SRGAP3: variants seen among roughly 807,000 people sequenced by gnomAD.
The protein encoded by SRGAP3 is SLIT-ROBO Rho GTPase-activating protein 3.
Under a neutral mutation model 121.1 loss-of-function variants are expected in SRGAP3, and 39 were observed. That is an observed-to-expected ratio of 0.32 (90% CI 0.25 to 0.42). The LOEUF (loss-of-function observed/expected upper bound fraction) is 0.42. Ranked by LOEUF, SRGAP3 falls within the 10% of genes least tolerant of loss-of-function variation. SRGAP3 has a pLI of 1.00. For synonymous variants in SRGAP3, 601 were observed against 570.0 expected (o/e 1.05, Z -0.77); for missense variants, 1,213 against 1,470.6 (o/e 0.82, Z 2.86).
At chr3:9,007,303 A>G (rs907768707) in intron 18 of SRGAP3, 2 of 152,180 alleles carry the variant, frequency 1.3e-5, no homozygotes, top group Non-Finnish European at 2.9e-5. Flanking sequence ...AAGGCAACAG[A>G]TACACAAACA....
chr3:8,990,020 T>G (rs1316325890), intron 21 of SRGAP3, among the ~76,000 whole-genome samples: 1 of 152,244 alleles, frequency 6.6e-6, no homozygotes, highest in African/African-American at 2.4e-5. Flanking sequence ...TGTTTGTTGA[T>G]GTCTCTTTCT....
At chr3:9,362,870 A>C (rs951087492) in exon 1 of SRGAP3, 6 of 152,260 alleles carry the variant, frequency 3.9e-5, no homozygotes, top group African/African-American at 1.4e-4. Context: ...GCACTCTCTA[A>C]ACGTTAGCAA....
At chr3:9,274,359 T>A (rs1954532806) in intron 3 of SRGAP3, among the ~76,000 whole-genome samples, 1 of 151,870 alleles carries the variant, frequency 6.6e-6, no homozygotes, top group Non-Finnish European at 1.5e-5. Context: ...CTGACAGGAG[T>A]GAATTCCACT....
chr3:9,349,895 C>T (rs964756889), intron 1 of SRGAP3: 1 of 152,152 alleles, frequency 6.6e-6, no homozygotes, highest in African/African-American at 2.4e-5. Context: ...GAATCCCTCC[C>T]CCACCTTGTT....
At chr3:9,259,778 AG>A (rs1352723893) in intron 3 of SRGAP3, among the ~76,000 whole-genome samples, 1 of 150,672 alleles carries the variant, frequency 6.6e-6, no homozygotes, top group Non-Finnish European at 1.5e-5. Flanking sequence ...AAATGTGGCA[AG>A]TGTGACTGCA....
intron 1 of SRGAP3, among the ~76,000 whole-genome samples, chr3:9,336,840 G>T (rs561930176): frequency 6.6e-6 from 1 of 152,286 alleles, no homozygotes; most frequent in South Asian, 2.1e-4. Context: ...ATAAAATGGA[G>T]ATATATCTAT....
chr3:9,058,060 G>T (rs372024009), intron 7 of SRGAP3, among the ~76,000 whole-genome samples, 191 bp downstream of exon 7: 1 of 152,164 alleles, frequency 6.6e-6, no homozygotes, highest in Admixed American at 6.5e-5. Flanking sequence ...AATTCTGCAC[G>T]GGGGGCACCT....
At chr3:8,994,663 T>TGG in intron 18 of SRGAP3, 140 bp from the exon 19 acceptor site, 3 of 1,123,856 alleles carry the variant, frequency 2.7e-6, no homozygotes, top group Non-Finnish European at 2.6e-6. Context: ...CCTGGTGGGC[T>TGG]GGGGCTCAGG....
chr3:9,188,743 C>T (rs553840631), intron 1 of SRGAP3, among the ~76,000 whole-genome samples: 9 of 152,240 alleles, frequency 5.9e-5, no homozygotes, highest in Admixed American at 4.6e-4. Context: ...TTTTCAAAAG[C>T]AATCTAAATT....
intron 12 of SRGAP3, among the ~76,000 whole-genome samples, chr3:9,029,999 T>A (rs1425946857): frequency 6.6e-6 from 1 of 151,942 alleles, no homozygotes; most frequent in African/African-American, 2.4e-5. Flanking sequence ...AAATTATTTT[T>A]TAATCAGCCA....
At chr3:9,088,921 C>T (rs1194874926) in intron 3 of SRGAP3, among the ~76,000 whole-genome samples, 2 of 152,222 alleles carry the variant, frequency 1.3e-5, no homozygotes, top group East Asian at 1.9e-4. Flanking sequence ...CTTCTCCCTC[C>T]ACCCAGCCAT....
chr3:9,132,132 C>CA (rs1949478130), intron 1 of SRGAP3, among the ~76,000 whole-genome samples: 1 of 151,888 alleles, frequency 6.6e-6, no homozygotes, highest in Non-Finnish European at 1.5e-5. Flanking sequence ...TTAGGTTTAC[C>CA]AAAAAATTGA....
Position 9,067,273 on chromosome 3 carries a change from C to T in SRGAP3, c.487-2692G>A, listed in dbSNP as rs528258305. ...ATGTGAAAAAAAATATATTTTTATGCCATGTTTCTCCCTTCTTCCTTCATC... is the reference window on the plus strand; with the variant it reads ...ATGTGAAAAAAAATATATTTTTATGTCATGTTTCTCCCTTCTTCCTTCATC... On this transcript the variant is annotated intron_variant, in intron 4 of 21. Transcript: ENST00000383836. 3.3e-5 allele frequency among the ~76,000 whole-genome samples: 5 copies of T among 152,078 alleles called. No individual in the cohort carries two copies. In the East Asian group the frequency reaches 9.7e-4, roughly 29 times the overall value.
At chr3:9,233,924 A>G (rs2125225324) in intron 1 of SRGAP3, among the ~76,000 whole-genome samples, 1 of 152,326 alleles carries the variant, frequency 6.6e-6, no homozygotes, top group East Asian at 1.9e-4. Flanking sequence ...GGCCCACCAC[A>G]TTCTCAGCAT....
intron 1 of SRGAP3, among the ~76,000 whole-genome samples, chr3:9,237,209 T>A (rs1030894080): frequency 6.6e-6 from 1 of 152,228 alleles, no homozygotes; most frequent in Non-Finnish European, 1.5e-5. Context: ...ATTCATTCGT[T>A]CAACAAAAAT....
At chr3:9,297,293 T>C (rs1954968477) in intron 3 of SRGAP3, among the ~76,000 whole-genome samples, 1 of 152,130 alleles carries the variant, frequency 6.6e-6, no homozygotes, top group Non-Finnish European at 1.5e-5. Flanking sequence ...CCTTGCTATT[T>C]TCCTGCTTGG....
intron 2 of SRGAP3, among the ~76,000 whole-genome samples, chr3:9,105,807 T>C (rs997904860): frequency 2.6e-5 from 4 of 152,190 alleles, no homozygotes; most frequent in African/African-American, 7.2e-5. Context: ...AATAAACCCC[T>C]CACAAGTTGA....
At chr3:9,207,515 G>A (rs1333033326) in intron 1 of SRGAP3, among the ~76,000 whole-genome samples, 1 of 152,178 alleles carries the variant, frequency 6.6e-6, no homozygotes, top group East Asian at 1.9e-4. Context: ...AGCAAACTCG[G>A]AGATGTAGAC....
intron 1 of SRGAP3, among the ~76,000 whole-genome samples, chr3:9,195,778 A>G (rs1182409985): frequency 6.6e-6 from 1 of 152,110 alleles, no homozygotes; most frequent in Non-Finnish European, 1.5e-5. Flanking sequence ...CAACACAGCA[A>G]GACGCCATCT....
Sources: gnomAD v4.1 joint callset for allele counts (sites outside exome capture counted in the v4.1 genomes callset) on GRCh38, gnomAD v4.1.1 for gene constraint, MANE v1.5 for transcripts, NCBI Gene and HGNC (gene_info 2026-07-23, HGNC 2026-07-21) for gene names.